The following MANEA variants were observed in gnomAD, a reference collection of about 807,000 sequenced individuals.
MANEA encodes glycoprotein endo-alpha-1,2-mannosidase.
A neutral mutation model predicts 36.8 loss-of-function variants in MANEA; 25 were observed. The ratio of observed to expected loss-of-function variants is 0.68; its 90% confidence interval spans 0.50 to 0.95. The LOEUF is 0.95. Among genes scored for constraint, MANEA ranks in the 40% least tolerant of loss-of-function variants. The probability of loss-of-function intolerance (pLI) is 0.00; values close to 1 mark genes in which losing one functional copy is unlikely to be tolerated. For missense variants in MANEA, 565 were observed against 558.8 expected (o/e 1.01, Z -0.11); for synonymous variants, 198 against 188.5 (o/e 1.05, Z -0.41).
In MANEA at chr6:95,606,111, C is replaced by A. The variant is rs1402409744; in HGVS notation, c.1095C>A (p.Ile365=). The change falls in exon 5 of 5, where the codon ATC becomes ATA. Residue 365 remains isoleucine, a synonymous_variant. Transcript: ENST00000358812. ...GCCCAGGATACATAGATACCAGCAT[C>A]CGTCCATGGAACACGCAAAACACTC... ...SVGPGYIDTS[I]RPWNTQNTRN... is the part of the protein sequence containing the mutation. 1 of 1,613,960 alleles carries A rather than the reference C, an allele frequency of 6.2e-7. No individual in the cohort carries two copies.
chr6:95,578,546 C>G (rs529806417), intron 1 of MANEA, among the ~76,000 whole-genome samples: 9 of 152,200 alleles, frequency 5.9e-5, no homozygotes, highest in African/African-American at 2.2e-4. Context: ...TTGCAAATCA[C>G]TTTCATGACA....
In MANEA at chr6:95,586,686, A is replaced by T; in HGVS notation, c.247A>T (p.Met83Leu). Residue 83 changes from methionine to leucine, a missense_variant, in exon 2 of 5, where the codon ATG (methionine) becomes TTG (leucine). Transcript: ENST00000358812. ...GAATTTAAAAAGTGTTGAAATCACTATGAAACCTTCCAAAGCCTCTGAACT... is the reference window on the plus strand; with the variant it reads ...GAATTTAAAAAGTGTTGAAATCACTTTGAAACCTTCCAAAGCCTCTGAACT... ...TKNLKSVEIT[M>L]KPSKASELNL... The T allele has an allele frequency of 6.2e-7, 1 of 1,614,050 alleles. No individual in the cohort carries two copies. The highest frequency in any genetic ancestry group is 8.5e-7 in the Non-Finnish European group (1 of 1,179,968).
chr6:95,578,354 G>A (rs998174040), intron 1 of MANEA, among the ~76,000 whole-genome samples: 19 of 152,168 alleles, frequency 1.2e-4, no homozygotes, highest in African/African-American at 4.6e-4. Flanking sequence ...CTACGGATAA[G>A]TGTTAGGAGA....
chr6:95,589,009 C>T (rs989448100), intron 2 of MANEA, among the ~76,000 whole-genome samples: 1 of 151,862 alleles, frequency 6.6e-6, no homozygotes, highest in Non-Finnish European at 1.5e-5. Context: ...GTAATACAGT[C>T]ATTTCAATTT....
intron 2 of MANEA, chr6:95,587,425 C>T (rs1479544545): frequency 1.8e-5 from 3 of 169,246 alleles, no homozygotes; most frequent in East Asian, 1.8e-4. Flanking sequence ...TCTCCCCTAC[C>T]GCTGAAAACT....
chr6:95,606,544 A>G lies in MANEA; in HGVS notation c.*139A>G. The G allele has an allele frequency of 2.3e-6, 1 of 432,432 alleles. No homozygotes were observed. 26.8% of individuals were successfully genotyped at this position (432,432 alleles called of 1,614,324 possible). A position where few individuals can be genotyped will look rare whatever the true frequency, so the allele number is the denominator to read the frequency against. ...AAAAATATTTTTTTAAATTCTTTACAGATAATATTATACTTGTTACCCTTC... is the reference window on the plus strand; with the variant it reads ...AAAAATATTTTTTTAAATTCTTTACGGATAATATTATACTTGTTACCCTTC... On this transcript the variant is annotated 3_prime_UTR_variant, in exon 5 of 5. Transcript: ENST00000358812.
At chr6:95,581,558 A>G (rs1447761201) in intron 1 of MANEA, among the ~76,000 whole-genome samples, 7 of 152,188 alleles carry the variant, frequency 4.6e-5, no homozygotes, top group Admixed American at 4.6e-4. Flanking sequence ...TGATTAAAAC[A>G]TTACTGTTTC....
intron 2 of MANEA, chr6:95,590,042 A>G (rs1380247273): frequency 6.6e-6 from 1 of 152,202 alleles, no homozygotes; most frequent in Admixed American, 6.6e-5. Flanking sequence ...GGTAGCCTCT[A>G]CAAGCTTGAA....
intron 1 of MANEA, among the ~76,000 whole-genome samples, chr6:95,582,787 A>G (rs1769206744): frequency 6.6e-6 from 1 of 152,148 alleles, no homozygotes; most frequent in Non-Finnish European, 1.5e-5. Flanking sequence ...CATACATTTT[A>G]TATATAGTGT....
At chr6:95,602,128 A>G (rs1769605640) in intron 3 of MANEA, among the ~76,000 whole-genome samples, 3 of 152,214 alleles carry the variant, frequency 2.0e-5, no homozygotes, top group Admixed American at 6.5e-5. Context: ...TATAAGTGAC[A>G]GACTTAAGAG....
At chr6:95,577,928 C>T (rs955986222) in intron 1 of MANEA, among the ~76,000 whole-genome samples, 1 of 152,230 alleles carries the variant, frequency 6.6e-6, no homozygotes, top group South Asian at 2.1e-4. Flanking sequence ...CTCGTCGCCG[C>T]CTCCTCTTTG....
intron 2 of MANEA, among the ~76,000 whole-genome samples, chr6:95,588,569 CTT>C (rs1445062092): frequency 6.6e-6 from 1 of 151,730 alleles, no homozygotes; most frequent in East Asian, 1.9e-4. Context: ...GGAGGAGAAT[CTT>C]TTCAAATGAT....
chr6:95,592,489 A>C (rs1476891939), intron 2 of MANEA, among the ~76,000 whole-genome samples: 1 of 152,104 alleles, frequency 6.6e-6, no homozygotes, highest in Non-Finnish European at 1.5e-5. Context: ...ATTTTGTTAA[A>C]AGTATGTCAC....
At position 95,605,878 on chromosome 6, in the gene MANEA, C is replaced by T. The variant is rs768161030; in HGVS notation, c.862C>T (p.Arg288Trp). 19 of 1,613,794 alleles carry T rather than the reference C, an allele frequency of 1.2e-5. No homozygotes were observed. Among genetic ancestry groups the T allele is most frequent in the African/African-American group, 5.3e-5 (4 of 74,858 alleles). ...CAATCTGTTAACCACCTCAGGGTCTCGGAGTATTCGCAATTCTCCTTATGA... is the reference window on the plus strand; with the variant it reads ...CAATCTGTTAACCACCTCAGGGTCTTGGAGTATTCGCAATTCTCCTTATGA... The part of the protein sequence containing the change: ...WANLLTTSGS[R>W]SIRNSPYDGL... The change falls in exon 5 of 5, where the codon CGG (arginine) becomes TGG (tryptophan). Residue 288 changes from arginine to tryptophan, a missense_variant. Arg to Trp is a moderately radical substitution (Grantham distance 101). Transcript: ENST00000358812.
At chr6:95,580,862 G>C (rs746734025) in intron 1 of MANEA, among the ~76,000 whole-genome samples, 14 of 152,236 alleles carry the variant, frequency 9.2e-5, no homozygotes, top group Middle Eastern at 3.4e-3. Flanking sequence ...TGACTTGAAG[G>C]TGACTGGTAT....
At position 95,586,911 on chromosome 6, in the gene MANEA, T is replaced by C. The variant is rs1469160694; in HGVS notation, c.472T>C (p.Leu158=). ...DDIGSSFYPE[L]GSYSSRDPSV... ...CATTGGCTCCAGCTTTTATCCTGAA[T>C]TGGGAAGTTACAGTTCTCGGGATCC... The change falls in exon 2 of 5, where the codon TTG becomes CTG. Residue 158 remains leucine, a synonymous_variant. Transcript: ENST00000358812. The C allele has an allele frequency of 2.5e-6, 4 of 1,613,550 alleles. No homozygotes were observed. Among genetic ancestry groups the C allele is most frequent in the Middle Eastern group, 3.3e-4 (2 of 6,082 alleles).
chr6:95,601,045 T>G (rs1769581414), intron 3 of MANEA, among the ~76,000 whole-genome samples: 1 of 151,576 alleles, frequency 6.6e-6, no homozygotes, highest in African/African-American at 2.4e-5. Flanking sequence ...TGTGACTAGG[T>G]TTTTTTTTGG....
At chr6:95,599,396 G>A (rs143937768) in intron 3 of MANEA, among the ~76,000 whole-genome samples, 18 of 147,222 alleles carry the variant, frequency 1.2e-4, no homozygotes, top group African/African-American at 3.8e-4. Flanking sequence ...CAGCCTGGGC[G>A]ACAGAGTGAG....
intron 3 of MANEA, among the ~76,000 whole-genome samples, chr6:95,597,793 G>A (rs1327620106): frequency 3.3e-5 from 5 of 152,010 alleles, no homozygotes; most frequent in African/African-American, 1.2e-4. Context: ...GATAGATGAA[G>A]TGTGAAATTA....
Sources: gnomAD v4.1 joint callset for allele counts (sites outside exome capture counted in the v4.1 genomes callset) on GRCh38, gnomAD v4.1.1 for gene constraint, MANE v1.5 for transcripts, NCBI Gene and HGNC (gene_info 2026-07-23, HGNC 2026-07-21) for gene names.